The following CADPS2 variants were observed in gnomAD, a reference collection of about 807,000 sequenced individuals.
CADPS2 encodes the protein calcium dependent secretion activator 2, also known as calcium-dependent secretion activator 2.
In CADPS2, 93 loss-of-function variants were observed where a neutral mutation model predicts 172.5. The ratio of observed to expected loss-of-function variants is 0.54; its 90% confidence interval spans 0.46 to 0.64. The LOEUF is 0.64. CADPS2 is among the 30% of genes least tolerant of loss of function. CADPS2 has a pLI of 0.00. For synonymous variants in CADPS2, 546 were observed against 555.2 expected (o/e 0.98, Z 0.23); for missense variants, 1,420 against 1,565.9 (o/e 0.91, Z 1.57).
intron 8 of CADPS2, among the ~76,000 whole-genome samples, chr7:122,534,235 C>A (rs946037641): frequency 5.9e-5 from 9 of 151,952 alleles, no homozygotes; most frequent in African/African-American, 2.2e-4. Context: ...ATTTTGTTTC[C>A]TAATCTTACA....
rs535257090 is a variant in CADPS2, at chr7:122,484,981, G to A, written c.1853-4121C>T. ...TTTTCATTATTAGTAGATCTATCAC[G>A]GTCATCTGTGGAAAGTGATCTTTGA... is the stretch of plus-strand genomic sequence containing the variant. On this transcript the variant is annotated intron_variant, in intron 11 of 29. Coordinates refer to ENST00000449022, the MANE Select transcript of CADPS2 (RefSeq NM_017954.11). Among the ~76,000 whole-genome samples the A allele has an allele frequency of 1.3e-4, 20 of 152,028 alleles. 1 individual carries two copies. In the East Asian group the frequency reaches 2.9e-3, roughly 22 times the overall value.
At chr7:122,403,146 T>C (rs2046173302) in intron 20 of CADPS2, among the ~76,000 whole-genome samples, 1 of 152,184 alleles carries the variant, frequency 6.6e-6, no homozygotes, top group African/African-American at 2.4e-5. Flanking sequence ...TTAACAATGG[T>C]CTTCAGTATC....
intron 2 of CADPS2, among the ~76,000 whole-genome samples, chr7:122,669,356 T>TA (rs71161320): frequency 0.53 from 60,348 of 114,114 alleles, 13,313 homozygotes; most frequent in East Asian, 0.7. Flanking sequence ...TATATATATA[T>TA]TTTTTTTTTT....
chr7:122,505,435 A>T (rs1278412247), intron 9 of CADPS2, among the ~76,000 whole-genome samples: 3 of 152,198 alleles, frequency 2.0e-5, no homozygotes, highest in Non-Finnish European at 4.4e-5. Flanking sequence ...AAAAATCAAG[A>T]AGTCAAAAAC....
intron 1 of CADPS2, among the ~76,000 whole-genome samples, chr7:122,844,644 A>G (rs1440842986): frequency 6.6e-6 from 1 of 152,246 alleles, no homozygotes; most frequent in Non-Finnish European, 1.5e-5. Context: ...TTAAAAATAC[A>G]TCTATAGTAA....
At chr7:122,478,280 G>A (rs999250537) in intron 12 of CADPS2, among the ~76,000 whole-genome samples, 25 of 152,170 alleles carry the variant, frequency 1.6e-4, no homozygotes, top group African/African-American at 5.5e-4. Flanking sequence ...GAAAATTTTA[G>A]TTCAATCTGT....
chr7:122,648,278 C>T (rs927945472), intron 3 of CADPS2, among the ~76,000 whole-genome samples: 11 of 152,152 alleles, frequency 7.2e-5, no homozygotes, highest in African/African-American at 2.6e-4. Context: ...GCTCTAGACC[C>T]TCCCAAAGGG....
At chr7:122,430,267 T>G (rs2049722930) in intron 17 of CADPS2, among the ~76,000 whole-genome samples, 2 of 152,184 alleles carry the variant, frequency 1.3e-5, no homozygotes, top group Admixed American at 6.5e-5. Context: ...AGGTACCAAG[T>G]CTATGCAAAA....
At chr7:122,849,785 C>T (rs988067688) in intron 1 of CADPS2, 4 of 497,950 alleles carry the variant, frequency 8.0e-6, no homozygotes, top group Non-Finnish European at 1.6e-5. Flanking sequence ...AGCCAGCCCC[C>T]AGCCCTCTCC....
At chr7:122,591,499 A>G (rs2133207447) in intron 6 of CADPS2, among the ~76,000 whole-genome samples, 1 of 152,230 alleles carries the variant, frequency 6.6e-6, no homozygotes, top group East Asian at 1.9e-4. Flanking sequence ...TAAAGTTCAT[A>G]TTGAACCAAA....
At chr7:122,486,141 C>A (rs12154460) in intron 11 of CADPS2, among the ~76,000 whole-genome samples, 39,357 of 151,942 alleles carry the variant, frequency 0.26, 5,332 homozygotes, top group East Asian at 0.34. Context: ...AACCCAACAT[C>A]CATTCTGCAG....
intron 28 of CADPS2, among the ~76,000 whole-genome samples, chr7:122,333,743 C>T (rs2150846137): frequency 6.6e-6 from 1 of 152,276 alleles, no homozygotes; most frequent in African/African-American, 2.4e-5. Context: ...TTCATGTCTC[C>T]CTCAATCAGC....
intron 6 of CADPS2, among the ~76,000 whole-genome samples, chr7:122,614,079 C>T (rs537518845): frequency 7.2e-5 from 11 of 151,798 alleles, no homozygotes; most frequent in East Asian, 5.9e-4. Context: ...TACAAGCAGA[C>T]GGGAAAGCAA....
At chr7:122,531,333 T>TC (rs1241598926) in intron 8 of CADPS2, among the ~76,000 whole-genome samples, 6 of 152,040 alleles carry the variant, frequency 3.9e-5, no homozygotes, top group African/African-American at 1.4e-4. Flanking sequence ...GATGTGAGAA[T>TC]CCCCCCAGGA....
chr7:122,410,459 T>TG (rs2047170499), intron 19 of CADPS2, among the ~76,000 whole-genome samples: 2 of 150,212 alleles, frequency 1.3e-5, no homozygotes, highest in Non-Finnish European at 3.0e-5. Flanking sequence ...TTTTTTTTTT[T>TG]GTAGTAAATA....
In CADPS2 at chr7:122,617,553, C is replaced by T. The variant is rs76060204; in HGVS notation, c.1105-2254G>A. ...GTCCTAGAAGTAAAAAGAAGAGAGG[C>T]ATGTATAAAATGTGAAACTAGGTAA... On this transcript the variant is annotated intron_variant, in intron 5 of 29. Coordinates refer to ENST00000449022, the MANE Select transcript of CADPS2 (RefSeq NM_017954.11). 9.2e-3 allele frequency among the ~76,000 whole-genome samples: 1,394 copies of T among 152,186 alleles called. 22 individuals are homozygous for T. The highest frequency in any genetic ancestry group is 0.032 in the African/African-American group (1,315 of 41,524).
At chr7:122,414,152 G>T in intron 18 of CADPS2, 76 bp from the exon 19 acceptor site, 1 of 1,112,954 alleles carries the variant, frequency 9.0e-7, no homozygotes, top group Non-Finnish European at 1.2e-6. Flanking sequence ...CTTTAAAAAA[G>T]GTCATCATAA....
chr7:122,435,248 C>T (rs774751518), intron 17 of CADPS2, among the ~76,000 whole-genome samples: 50 of 152,138 alleles, frequency 3.3e-4, no homozygotes, highest in Non-Finnish European at 5.4e-4. Flanking sequence ...ATTTGCACAC[C>T]ATACATTTGA....
chr7:122,380,704 G>A (rs2042899082), intron 24 of CADPS2, among the ~76,000 whole-genome samples: 1 of 152,074 alleles, frequency 6.6e-6, no homozygotes, highest in African/African-American at 2.4e-5. Flanking sequence ...GTGAATATAA[G>A]TGCATAATGA....
Sources: allele counts gnomAD v4.1 joint callset (sites outside exome capture counted in the v4.1 genomes callset), GRCh38; gene constraint gnomAD v4.1.1; transcripts MANE v1.5; gene names NCBI Gene and HGNC (gene_info 2026-07-23, HGNC 2026-07-21).